The following CSMD1 variants were observed in gnomAD, a reference collection of about 807,000 sequenced individuals.
The protein encoded by CSMD1 is CUB and Sushi multiple domains 1.
Under a neutral mutation model 417.5 loss-of-function variants are expected in CSMD1, and 213 were observed. The ratio of observed to expected loss-of-function variants is 0.51; its 90% CI spans 0.46 to 0.57. The LOEUF (loss-of-function observed/expected upper bound fraction) is 0.57, where lower values mean the gene tolerates loss of function less well. CSMD1 is among the 20% of genes least tolerant of loss of function. CSMD1 has a pLI of 0.00. For synonymous variants in CSMD1, 2,862 were observed against 1,736.8 expected (o/e 1.65, Z -16.11); for missense variants, 6,923 against 4,529.7 (o/e 1.53, Z -15.17).
At chr8:4,193,239 C>G (rs1189646646) in intron 3 of CSMD1, among the ~76,000 whole-genome samples, 2 of 152,008 alleles carry the variant, frequency 1.3e-5, no homozygotes, top group African/African-American at 2.4e-5. Context: ...AACGTAAAAC[C>G]TTAACGACAG....
chr8:4,818,023 C>T (rs756977768), intron 1 of CSMD1, among the ~76,000 whole-genome samples: 3 of 152,090 alleles, frequency 2.0e-5, no homozygotes, highest in Non-Finnish European at 2.9e-5. Flanking sequence ...GTTCAGTCAG[C>T]GTCACAGTGA....
At chr8:4,881,703 T>A (rs980367187) in intron 1 of CSMD1, among the ~76,000 whole-genome samples, 72 of 151,812 alleles carry the variant, frequency 4.7e-4, no homozygotes, top group African/African-American at 1.7e-3. Flanking sequence ...GCCCTTCCAC[T>A]TGATATTTTG....
rs1176562083 is a variant in CSMD1, at chr8:3,400,204, T to G, written c.2267-675A>C. On this transcript the variant is annotated intron_variant, in intron 15 of 69. Coordinates refer to ENST00000635120, the MANE Select transcript of CSMD1 (RefSeq NM_033225.6). ...CATACCTGTATCATCTAAAGGAATT[T>G]TAAATAGCATACCAATATTTCATAC... Among the ~76,000 whole-genome samples the G allele has an allele frequency of 2.0e-5, 3 of 152,164 alleles. No individual in the cohort carries two copies. The East Asian group carries it at 5.8e-4, about 29-fold the overall frequency.
chr8:3,134,150 G>A (rs1467672390), intron 41 of CSMD1, among the ~76,000 whole-genome samples: 1 of 151,884 alleles, frequency 6.6e-6, no homozygotes, highest in Admixed American at 6.6e-5. Context: ...CCAGCCTCTC[G>A]ACAGAGTGAG....
intron 2 of CSMD1, among the ~76,000 whole-genome samples, chr8:4,552,071 G>T (rs1797897677): frequency 1.3e-5 from 2 of 152,158 alleles, no homozygotes; most frequent in Non-Finnish European, 2.9e-5. Flanking sequence ...ATTGTCAATT[G>T]AATGAAATAA....
intron 3 of CSMD1, among the ~76,000 whole-genome samples, chr8:4,073,395 A>G (rs1328672150): frequency 8.5e-5 from 13 of 152,092 alleles, no homozygotes; most frequent in Non-Finnish European, 2.9e-5. Flanking sequence ...AAAAAAGTAA[A>G]TTTAGAAGAA....
intron 5 of CSMD1, among the ~76,000 whole-genome samples, chr8:3,803,774 A>G (rs1263423957): frequency 6.6e-6 from 1 of 152,202 alleles, no homozygotes; most frequent in Non-Finnish European, 1.5e-5. Context: ...TAATTTGAGT[A>G]ACATTTGGAA....
At chr8:4,729,586 T>C (rs1585009843) in intron 1 of CSMD1, among the ~76,000 whole-genome samples, 1 of 151,952 alleles carries the variant, frequency 6.6e-6, no homozygotes, top group South Asian at 2.1e-4. Flanking sequence ...TAGAGAAACA[T>C]ATAAAAAAAC....
At chr8:3,657,869 A>G (rs1798209742) in intron 7 of CSMD1, among the ~76,000 whole-genome samples, 1 of 152,192 alleles carries the variant, frequency 6.6e-6, no homozygotes, top group Non-Finnish European at 1.5e-5. Flanking sequence ...AACTATAAAC[A>G]AAAATCCTCT....
intron 1 of CSMD1, among the ~76,000 whole-genome samples, chr8:4,821,453 G>A (rs1001452644): frequency 2.6e-5 from 4 of 152,198 alleles, no homozygotes; most frequent in African/African-American, 9.6e-5. Flanking sequence ...CTCATACTAC[G>A]CAGTAAGACA....
At chr8:4,483,205 C>G (rs899897583) in intron 2 of CSMD1, among the ~76,000 whole-genome samples, 1 of 152,168 alleles carries the variant, frequency 6.6e-6, no homozygotes, top group Non-Finnish European at 1.5e-5. Context: ...TCTCTTGCCA[C>G]CACCAAGTGA....
intron 10 of CSMD1, among the ~76,000 whole-genome samples, chr8:3,513,189 TG>T (rs1226672518): frequency 6.6e-6 from 1 of 152,042 alleles, no homozygotes; most frequent in Admixed American, 6.6e-5. Context: ...TGGCAAACTT[TG>T]GGAAAAAAAT....
intron 3 of CSMD1, among the ~76,000 whole-genome samples, chr8:4,247,422 C>A (rs779574359): frequency 2.0e-5 from 3 of 152,196 alleles, no homozygotes; most frequent in Admixed American, 6.5e-5. Context: ...AGTTCTCCTG[C>A]TGTGTCACTC....
At chr8:3,605,032 G>A (rs1016100338) in intron 8 of CSMD1, among the ~76,000 whole-genome samples, 1 of 151,982 alleles carries the variant, frequency 6.6e-6, no homozygotes, top group Non-Finnish European at 1.5e-5. Context: ...TTCTTTTGAG[G>A]AGTCACTGCT....
intron 1 of CSMD1, among the ~76,000 whole-genome samples, chr8:4,760,165 G>C (rs980567056): frequency 1.3e-5 from 2 of 152,150 alleles, no homozygotes; most frequent in African/African-American, 2.4e-5. Flanking sequence ...ATAGTCATAG[G>C]CTGCAACATC....
chr8:3,843,543 A>T (rs575691740), intron 5 of CSMD1, among the ~76,000 whole-genome samples: 12 of 152,334 alleles, frequency 7.9e-5, no homozygotes, highest in Admixed American at 5.2e-4. Flanking sequence ...AAAGTAAAAA[A>T]AAAACAAGTT....
intron 5 of CSMD1, among the ~76,000 whole-genome samples, chr8:3,864,141 G>C (rs944677572): frequency 6.6e-6 from 1 of 152,122 alleles, no homozygotes; most frequent in Admixed American, 6.6e-5. Flanking sequence ...AATGTGACCA[G>C]CATTTATGGA....
chr8:4,259,529 T>C (rs2128839697), intron 3 of CSMD1, among the ~76,000 whole-genome samples: 1 of 84,734 alleles, frequency 1.2e-5, no homozygotes, highest in East Asian at 3.5e-4. Context: ...TTCGAGTTTT[T>C]AAAAAATGTC....
intron 26 of CSMD1, among the ~76,000 whole-genome samples, chr8:3,253,768 C>G (rs901463931): frequency 1.6e-4 from 24 of 152,196 alleles, no homozygotes; most frequent in Non-Finnish European, 3.2e-4. Context: ...CTATGTGTGT[C>G]TCTGCAGGTG....
Sources: allele counts gnomAD v4.1 joint callset (sites outside exome capture counted in the v4.1 genomes callset), GRCh38; gene constraint gnomAD v4.1.1; transcripts MANE v1.5; gene names NCBI Gene and HGNC (gene_info 2026-07-23, HGNC 2026-07-21).